The following SCYL2 variants were observed in gnomAD, a reference collection of about 807,000 sequenced individuals.
SCYL2 encodes the protein SCY1 like pseudokinase 2.
A neutral mutation model predicts 100.4 loss-of-function variants in SCYL2; 36 were observed. That is an observed-to-expected ratio of 0.36 (90% confidence interval 0.27 to 0.47). The LOEUF (loss-of-function observed/expected upper bound fraction) is 0.47. Ranked by LOEUF, SCYL2 falls within the 20% of genes least tolerant of loss-of-function variation. The pLI is 1.00. For synonymous variants in SCYL2, 330 were observed against 359.2 expected (o/e 0.92, Z 0.92); for missense variants, 902 against 1,083.9 (o/e 0.83, Z 2.36).
intron 13 of SCYL2, among the ~76,000 whole-genome samples, chr12:100,333,355 A>G (rs1370833680): frequency 6.6e-6 from 1 of 152,120 alleles, no homozygotes; most frequent in Non-Finnish European, 1.5e-5. Flanking sequence ...GAGTTCCTTT[A>G]CCTCTCATTG....
intron 10 of SCYL2, among the ~76,000 whole-genome samples, chr12:100,320,339 G>GT (rs2096354228): frequency 6.6e-6 from 1 of 152,088 alleles, no homozygotes; most frequent in Admixed American, 6.6e-5. Context: ...GAGGTCAGGA[G>GT]TTCAAGACCA....
intron 1 of SCYL2, among the ~76,000 whole-genome samples, chr12:100,272,876 GT>G (rs2096289031): frequency 6.6e-6 from 1 of 152,062 alleles, no homozygotes; most frequent in African/African-American, 2.4e-5. Flanking sequence ...ATATAACGTA[GT>G]TTAACATGTA....
At chr12:100,275,580 A>G (rs2096291695) in intron 1 of SCYL2, among the ~76,000 whole-genome samples, 2 of 152,176 alleles carry the variant, frequency 1.3e-5, no homozygotes, top group African/African-American at 4.8e-5. Context: ...GCTATTTTGT[A>G]GATTGATTCC....
intron 14 of SCYL2, 181 bp from the exon 15 acceptor site, chr12:100,335,444 A>C (rs1466259358): frequency 5.7e-6 from 3 of 530,034 alleles, no homozygotes; most frequent in Admixed American, 7.3e-5. Context: ...ATGGACTTAC[A>C]TACAAATGTT....
Position 100,312,616 on chromosome 12 carries a change from A to G in SCYL2, c.815A>G (p.Gln272Arg), listed in dbSNP as rs772010512. 1 of 1,612,786 alleles carries G rather than the reference A, an allele frequency of 6.2e-7. No individual in the cohort carries two copies. The highest frequency in any genetic ancestry group is 1.3e-5 in the African/African-American group (1 of 74,910). Residue 272 changes from glutamine (Q) to arginine (R), a missense_variant, in exon 6 of 18, where the codon CAA becomes CGA. Gln to Arg is a conservative substitution (Grantham distance 43). Transcript: ENST00000360820. ...KGKPIFEVNKQDIYKSFSRQL... is the reference protein window; with the variant it reads ...KGKPIFEVNKRDIYKSFSRQL... ...AAACCTATATTTGAAGTCAACAAGCAAGATATTTACAAGAGTTTCAGTAGG... is the reference window on the plus strand; with the variant it reads ...AAACCTATATTTGAAGTCAACAAGCGAGATATTTACAAGAGTTTCAGTAGG...
At chr12:100,291,226 C>A (rs1326599261) in intron 2 of SCYL2, among the ~76,000 whole-genome samples, 1 of 152,084 alleles carries the variant, frequency 6.6e-6, no homozygotes, top group Non-Finnish European at 1.5e-5. Context: ...GAGATTACTA[C>A]ACAGGAAACA....
At chr12:100,270,015 G>A (rs1488618021) in intron 1 of SCYL2, among the ~76,000 whole-genome samples, 1 of 149,418 alleles carries the variant, frequency 6.7e-6, no homozygotes, top group Admixed American at 6.7e-5. Context: ...GAGACGGAGT[G>A]TCACTCTGTC....
intron 1 of SCYL2, among the ~76,000 whole-genome samples, chr12:100,276,224 C>G (rs1372435863): frequency 6.6e-6 from 1 of 151,796 alleles, no homozygotes; most frequent in Non-Finnish European, 1.5e-5. Context: ...TGATTTTTTT[C>G]CTTAAATGTT....
intron 1 of SCYL2, among the ~76,000 whole-genome samples, chr12:100,269,241 C>G (rs1427726765): frequency 6.6e-6 from 1 of 152,072 alleles, no homozygotes; most frequent in African/African-American, 2.4e-5. Flanking sequence ...CCTTTCTCCC[C>G]TAGTCACCCT....
Position 100,338,225 on chromosome 12 carries a change from G to A in SCYL2, c.2146-303G>A, listed in dbSNP as rs558022845. Among the ~76,000 whole-genome samples, 5 of 152,232 alleles carry A rather than the reference G, an allele frequency of 3.3e-5. No individual in the cohort carries two copies. The East Asian group carries it at 9.6e-4, about 29-fold the overall frequency. ...ATACAAATAATAGTAAAAAATTACT[G>A]TATTTTTTGTAATATAGAATAAGAA... On this transcript the variant is annotated intron_variant, in intron 17 of 17. Transcript: ENST00000360820.
chr12:100,304,910 G>A (rs1409566755), intron 4 of SCYL2, among the ~76,000 whole-genome samples: 2 of 151,914 alleles, frequency 1.3e-5, no homozygotes, highest in African/African-American at 4.8e-5. Context: ...ACAAAGAAGG[G>A]CACTACATAA....
At chr12:100,326,831 C>G in intron 12 of SCYL2, 77 bp downstream of exon 12, 1 of 1,227,378 alleles carries the variant, frequency 8.1e-7, no homozygotes, top group Non-Finnish European at 1.1e-6. Context: ...CAATTATACT[C>G]TCCTTTCGTG....
chr12:100,269,069 T>A (rs1021637376), intron 1 of SCYL2, among the ~76,000 whole-genome samples: 2 of 152,210 alleles, frequency 1.3e-5, no homozygotes, highest in Non-Finnish European at 2.9e-5. Context: ...CAAGACTTAG[T>A]GACTTTTTCA....
At chr12:100,308,294 A>G (rs2096337245) in intron 4 of SCYL2, among the ~76,000 whole-genome samples, 1 of 152,216 alleles carries the variant, frequency 6.6e-6, no homozygotes, top group African/African-American at 2.4e-5. Flanking sequence ...ACACCATGGA[A>G]TACTATGCAG....
Position 100,317,839 on chromosome 12 carries a change from C to G in SCYL2, c.1309C>G (p.Leu437Val). The G allele has an allele frequency of 6.2e-7, 1 of 1,605,574 alleles. No individual in the cohort carries two copies. Among genetic ancestry groups the G allele is most frequent in the Non-Finnish European group, 8.5e-7 (1 of 1,178,280 alleles). ...LIFLQKMDLL[L>V]TKTPPDEIKN... ...TTTCCTACAAAAAATGGATTTGCTA[C>G]TAACCAAAACCCCTCCTGATGAGAT... Residue 437 changes from leucine to valine, a missense_variant, in exon 10 of 18, where the codon CTA becomes GTA. Leu to Val is a conservative substitution (Grantham distance 32). Transcript: ENST00000360820.
At position 100,298,170 on chromosome 12, in the gene SCYL2, C is replaced by T. The variant is rs749637771; in HGVS notation, c.475C>T (p.Leu159Phe). Residue 159 changes from leucine to phenylalanine, a missense_variant, in exon 4 of 18, where the codon CTT becomes TTT. Coordinates refer to ENST00000360820, the MANE Select transcript of SCYL2 (RefSeq NM_017988.6). ...TGATGTAGAAACCAAATATGGTTTG[C>T]TTCAGGTATGTATTTTTATTCATCA... Reference protein sequence around the residue: ...LYDVETKYGLLQVSEGLSFLH... With the variant: ...LYDVETKYGLFQVSEGLSFLH... The T allele has an allele frequency of 1.4e-5, 21 of 1,545,296 alleles. No individual in the cohort carries two copies. Among genetic ancestry groups the T allele is most frequent in the African/African-American group, 5.6e-5 (4 of 71,338 alleles).
intron 7 of SCYL2, 23 bp downstream of exon 7, chr12:100,313,561 C>A: frequency 7.7e-7 from 1 of 1,303,900 alleles, no homozygotes; most frequent in Non-Finnish European, 1.1e-6. Context: ...GGATTTCTGC[C>A]TAAGATGGAG....
At chr12:100,295,073 G>C (rs1186070264) in intron 3 of SCYL2, among the ~76,000 whole-genome samples, 2 of 150,728 alleles carry the variant, frequency 1.3e-5, no homozygotes, top group Non-Finnish European at 1.5e-5. Flanking sequence ...TGGCGGGGCA[G>C]AGGCGCTCCC....
chr12:100,309,179 G>A (rs147958158), intron 4 of SCYL2, among the ~76,000 whole-genome samples: 17 of 151,888 alleles, frequency 1.1e-4, no homozygotes, highest in South Asian at 2.1e-4. Context: ...GTGTTCCTGC[G>A]CAGGGAGGAT....
Sources: allele counts gnomAD v4.1 joint callset (sites outside exome capture counted in the v4.1 genomes callset), GRCh38; gene constraint gnomAD v4.1.1; transcripts MANE v1.5; gene names NCBI Gene and HGNC (gene_info 2026-07-23, HGNC 2026-07-21).